Variants in SDK1 observed in about 807,000 individuals in gnomAD.
The protein encoded by SDK1 is sidekick cell adhesion molecule 1, also known as protein sidekick-1.
SDK1 carries 157 observed loss-of-function variants against 245.5 expected under a neutral mutation model. The observed-to-expected ratio is 0.64, with a 90% CI of 0.56 to 0.73. The LOEUF (loss-of-function observed/expected upper bound fraction) is 0.73, where lower values mean the gene tolerates loss of function less well. Among genes scored for constraint, SDK1 ranks in the 30% least tolerant of loss-of-function variants. The probability of loss-of-function intolerance (pLI) is 0.00; values close to 1 mark genes in which losing one functional copy is unlikely to be tolerated. For synonymous variants in SDK1, 1,647 were observed against 1,278.5 expected (o/e 1.29, Z -6.15); for missense variants, 3,583 against 3,002.3 (o/e 1.19, Z -4.52).
intron 1 of SDK1, among the ~76,000 whole-genome samples, chr7:3,570,663 A>T (rs1012995711): frequency 1.3e-5 from 2 of 152,192 alleles, no homozygotes; most frequent in Non-Finnish European, 2.9e-5. Context: ...TCATTAACTT[A>T]TGTCACAGTC....
intron 1 of SDK1, among the ~76,000 whole-genome samples, chr7:3,524,309 GT>G (rs1296348134): frequency 6.6e-6 from 1 of 152,128 alleles, no homozygotes; most frequent in Non-Finnish European, 1.5e-5. Context: ...TCCTACTTAG[GT>G]TTTAACAAAA....
chr7:3,671,055 G>T (rs1783686485), intron 4 of SDK1, among the ~76,000 whole-genome samples: 1 of 152,006 alleles, frequency 6.6e-6, no homozygotes, highest in African/African-American at 2.4e-5. Flanking sequence ...TTCTCCTATT[G>T]GGCTCTAGGC....
At chr7:3,787,900 G>C (rs1387258078) in intron 4 of SDK1, among the ~76,000 whole-genome samples, 1 of 152,204 alleles carries the variant, frequency 6.6e-6, no homozygotes, top group Non-Finnish European at 1.5e-5. Context: ...TTGTATGGCT[G>C]TCAGTGTCAC....
At chr7:3,527,215 G>T (rs1394703119) in intron 1 of SDK1, among the ~76,000 whole-genome samples, 1 of 152,178 alleles carries the variant, frequency 6.6e-6, no homozygotes, top group Non-Finnish European at 1.5e-5. Flanking sequence ...CTGAGGCATT[G>T]TTGTAAGCAA....
chr7:4,108,690 A>G (rs1280398594), intron 22 of SDK1, among the ~76,000 whole-genome samples: 2 of 152,180 alleles, frequency 1.3e-5, no homozygotes, highest in East Asian at 3.8e-4. Context: ...AATTCACCTC[A>G]CATAAAATTA....
intron 35 of SDK1, among the ~76,000 whole-genome samples, chr7:4,191,042 T>G (rs1223299640): frequency 6.6e-6 from 1 of 152,174 alleles, no homozygotes; most frequent in African/African-American, 2.4e-5. Context: ...GAAATGCAAA[T>G]CCCATCCCCT....
rs140285826 is a variant in SDK1 at position 3,390,670 on chromosome 7, C to G, written c.298+88786C>G. ...GGAGAGTGCCATGTGCAGATAGACGCAGATATTGGAGTTATGCTGCCGAAG... is the reference window on the plus strand; with the variant it reads ...GGAGAGTGCCATGTGCAGATAGACGGAGATATTGGAGTTATGCTGCCGAAG... On this transcript the variant is annotated intron_variant, in intron 1 of 44. Coordinates refer to ENST00000404826, the MANE Select transcript of SDK1 (RefSeq NM_152744.4). 1.1e-4 allele frequency among the ~76,000 whole-genome samples: 17 copies of G among 152,190 alleles called. No homozygotes were observed. The East Asian group carries it at 1.5e-3, about 14-fold the overall frequency.
At chr7:4,041,288 C>CT (rs58871072) in intron 17 of SDK1, among the ~76,000 whole-genome samples, 16,400 of 141,910 alleles carry the variant, frequency 0.12, 987 homozygotes, top group South Asian at 0.13. Context: ...TTTTGTTTTA[C>CT]TTTTTTTTTT....
At chr7:3,786,314 A>C (rs913470420) in intron 4 of SDK1, among the ~76,000 whole-genome samples, 1 of 152,210 alleles carries the variant, frequency 6.6e-6, no homozygotes, top group Non-Finnish European at 1.5e-5. Context: ...AGTTAAACAC[A>C]GCTTTCTAGT....
chr7:3,373,845 A>C (rs891477416), intron 1 of SDK1, among the ~76,000 whole-genome samples: 1 of 152,160 alleles, frequency 6.6e-6, no homozygotes, highest in African/African-American at 2.4e-5. Flanking sequence ...ACCATTTATA[A>C]TCAACAACAA....
At chr7:3,808,140 C>T (rs990873065) in intron 4 of SDK1, among the ~76,000 whole-genome samples, 1 of 152,134 alleles carries the variant, frequency 6.6e-6, no homozygotes, top group East Asian at 1.9e-4. Flanking sequence ...GTGGGATGAC[C>T]GTGAGGGCTA....
chr7:4,174,403 G>C lies in SDK1; in HGVS notation c.4936+46G>C, dbSNP rs961733991. 3.8e-6 allele frequency: 6 copies of C among 1,592,632 alleles called. No homozygotes were observed. The African/African-American group carries it at 6.7e-5, about 18-fold the overall frequency. On this transcript the variant is annotated intron_variant, in intron 33 of 44. Coordinates refer to ENST00000404826, the MANE Select transcript of SDK1 (RefSeq NM_152744.4). The stretch of plus-strand genomic sequence containing the variant: ...CTGGTACAGGGAGGGAGGTTCCCAG[G>C]GGACCCTTGGTATCTGCTCAGTGCA...
intron 1 of SDK1, among the ~76,000 whole-genome samples, chr7:3,333,732 C>A (rs190245687): frequency 6.6e-6 from 1 of 152,080 alleles, no homozygotes; most frequent in Admixed American, 6.6e-5. Context: ...GGTCAGGGTT[C>A]GATTATCGAG....
Position 3,473,875 on chromosome 7 carries a change from C to T in SDK1, c.299-145205C>T, listed in dbSNP as rs142069855. ...AATTTTTTTTTCCTCTCCAAATTCG[C>T]GTATGTTCCTAGCTACCACAGCAGT... is the stretch of plus-strand genomic sequence containing the variant. On this transcript the variant is annotated intron_variant, in intron 1 of 44. Transcript: ENST00000404826. Among the ~76,000 whole-genome samples, 377 of 151,946 alleles carry T rather than the reference C, an allele frequency of 2.5e-3. 4 individuals carry two copies. The highest frequency in any genetic ancestry group is 8.6e-3 in the African/African-American group (357 of 41,448).
intron 4 of SDK1, among the ~76,000 whole-genome samples, chr7:3,716,778 A>G (rs776890682): frequency 6.6e-5 from 10 of 151,894 alleles, no homozygotes; most frequent in African/African-American, 1.5e-4. Context: ...AAAGAAAAAA[A>G]AAAAAGAAAA....
At chr7:3,318,195 A>G (rs1468039015) in intron 1 of SDK1, among the ~76,000 whole-genome samples, 1 of 152,252 alleles carries the variant, frequency 6.6e-6, no homozygotes, top group Non-Finnish European at 1.5e-5. Context: ...ATATTAGCAC[A>G]CATGGGTATA....
At chr7:4,146,993 C>T (rs1220290334) in intron 29 of SDK1, among the ~76,000 whole-genome samples, 5 of 152,300 alleles carry the variant, frequency 3.3e-5, no homozygotes, top group Admixed American at 6.5e-5. Flanking sequence ...GTGGGCTCCG[C>T]GCATGTCCTC....
intron 7 of SDK1, among the ~76,000 whole-genome samples, chr7:3,956,843 G>T (rs533551149): frequency 1.6e-3 from 247 of 152,300 alleles, no homozygotes; most frequent in East Asian, 3.1e-3. Flanking sequence ...GCTCAGCCAA[G>T]CCAGCTTCGG....
intron 4 of SDK1, among the ~76,000 whole-genome samples, chr7:3,820,831 C>T (rs575536260): frequency 3.2e-4 from 48 of 152,262 alleles, no homozygotes; most frequent in African/African-American, 1.1e-3. Flanking sequence ...GTCTTGGTCA[C>T]GATCAAGAAG....
Sources: allele counts gnomAD v4.1 joint callset (sites outside exome capture counted in the v4.1 genomes callset), GRCh38; gene constraint gnomAD v4.1.1; transcripts MANE v1.5; gene names NCBI Gene and HGNC (gene_info 2026-07-23, HGNC 2026-07-21).